Variants in PACSIN1 observed in about 807,000 individuals in gnomAD.
PACSIN1 encodes the protein protein kinase C and casein kinase substrate in neurons protein 1.
PACSIN1 carries 15 observed loss-of-function variants against 59.5 expected under a neutral mutation model. The observed-to-expected ratio is 0.25, with a 90% CI of 0.17 to 0.39. The LOEUF (loss-of-function observed/expected upper bound fraction) is 0.39. Ranked by LOEUF, PACSIN1 falls within the 10% of genes least tolerant of loss-of-function variation. PACSIN1 has a pLI of 1.00. For synonymous variants in PACSIN1, 210 were observed against 220.6 expected, an observed-to-expected ratio of 0.95 and a Z score of 0.42; for missense variants, 420 against 580.2, an observed-to-expected ratio of 0.72 and a Z score of 2.84.
Position 34,530,351 on chromosome 6 carries a change from G to C in PACSIN1, c.897G>C (p.Trp299Cys). Residue 299 changes from tryptophan to cysteine, a missense_variant, in exon 7 of 10, where the codon TGG becomes TGC. Physicochemically the swap from Trp to Cys is radical, Grantham distance 215. Coordinates refer to ENST00000244458, the MANE Select transcript of PACSIN1 (RefSeq NM_020804.5). This position sits in a 1 kb window ranked among gnomAD's most constrained non-coding sequence, Gnocchi z 4.4. ...STSGPGMPMN[W>C]PQFEEWNPDL... ...GTGGCCCCGGCATGCCCATGAACTG[G>C]CCCCAGTTTGAGGTGAGGATATGTG... The C allele has an allele frequency of 6.2e-7, 1 of 1,614,026 alleles. No homozygotes were observed. The highest frequency in any genetic ancestry group is 8.5e-7 in the Non-Finnish European group (1 of 1,179,918).
chr6:34,491,199 C>A (rs903123656), intron 1 of PACSIN1, among the ~76,000 whole-genome samples: 1 of 152,166 alleles, frequency 6.6e-6, no homozygotes, highest in African/African-American at 2.4e-5. Flanking sequence ...TAAAGAGGCC[C>A]TTGGCTTTCT....
chr6:34,528,897 A>AGGGG lies in PACSIN1; in HGVS notation c.456+20_456+21insGGGG. The AGGGG allele has an allele frequency of 2.1e-6, 1 of 465,344 alleles. No homozygotes were observed. Among genetic ancestry groups the AGGGG allele is most frequent in the Non-Finnish European group, 4.0e-6 (1 of 251,146 alleles). 28.8% of individuals were successfully genotyped at this position (465,344 alleles called of 1,614,324 possible). ...AAGGAGGTGCTCAGTGGGTGCTGCC[A>AGGGG]CGGGCGGGGTGGGGTGGGCCCGTCT... On this transcript the variant is annotated intron_variant, in intron 4 of 9. Coordinates refer to ENST00000244458, the MANE Select transcript of PACSIN1 (RefSeq NM_020804.5).
Position 34,488,749 on chromosome 6 carries a change from G to C in PACSIN1, c.-64+22479G>C, listed in dbSNP as rs181456643. 6.6e-5 allele frequency among the ~76,000 whole-genome samples: 10 copies of C among 152,216 alleles called. No individual in the cohort carries two copies. The highest frequency in any genetic ancestry group is 2.4e-4 in the African/African-American group (10 of 41,522). On this transcript the variant is annotated intron_variant, in intron 1 of 9. Transcript: ENST00000244458. The surrounding 1 kb of genome is among the most constrained non-coding windows in gnomAD (Gnocchi z 4.7). The stretch of plus-strand genomic sequence containing the variant: ...TGCATCTTTTTATTATTATTTATTT[G>C]ATTGATTGATTTGTTGCCCAGGCTG...
chr6:34,532,777 A>C lies in PACSIN1; in HGVS notation c.*247A>C. The C allele has an allele frequency of 2.2e-6, 1 of 456,252 alleles. No homozygotes were observed. 28.3% of individuals were successfully genotyped at this position (456,252 alleles called of 1,614,324 possible). A position where few individuals can be genotyped will look rare whatever the true frequency, so the allele number is the denominator to read the frequency against. ...TAACAGTCTTAGGACTTAGCCCAAC[A>C]TCACAACATCTGCTCTTCGGGTTCC... On this transcript the variant is annotated 3_prime_UTR_variant, in exon 10 of 10. Coordinates refer to ENST00000244458, the MANE Select transcript of PACSIN1 (RefSeq NM_020804.5). This position sits in a 1 kb window ranked among gnomAD's most constrained non-coding sequence, Gnocchi z 5.2.
intron 1 of PACSIN1, among the ~76,000 whole-genome samples, chr6:34,519,124 G>A (rs183597437): frequency 8.7e-4 from 133 of 152,240 alleles, no homozygotes; most frequent in African/African-American, 2.9e-3. Flanking sequence ...GGAGGGGCCA[G>A]CCACAGAGGC....
chr6:34,492,102 C>T (rs1260576593), intron 1 of PACSIN1, among the ~76,000 whole-genome samples: 1 of 151,852 alleles, frequency 6.6e-6, no homozygotes, highest in African/African-American at 2.4e-5. Flanking sequence ...CTAAACTGCT[C>T]TCCATAGTGG....
intron 1 of PACSIN1, among the ~76,000 whole-genome samples, chr6:34,487,444 G>A (rs532642496): frequency 6.6e-6 from 1 of 152,314 alleles, no homozygotes; most frequent in East Asian, 1.9e-4. Flanking sequence ...GGTGGGCTGA[G>A]TGGTTTTCCC....
At chr6:34,506,268 A>T (rs1767113378) in intron 1 of PACSIN1, among the ~76,000 whole-genome samples, 1 of 152,092 alleles carries the variant, frequency 6.6e-6, no homozygotes, top group Admixed American at 6.5e-5. Context: ...CCCAGGCTGG[A>T]GTGCAATGGC....
intron 1 of PACSIN1, among the ~76,000 whole-genome samples, chr6:34,481,177 C>T (rs1431942385): frequency 6.6e-6 from 1 of 151,892 alleles, no homozygotes; most frequent in Non-Finnish European, 1.5e-5. Context: ...CCCCCGAGAG[C>T]TGGGACTACA....
chr6:34,475,615 C>T (rs1766628661), intron 1 of PACSIN1, among the ~76,000 whole-genome samples: 1 of 152,190 alleles, frequency 6.6e-6, no homozygotes, highest in Non-Finnish European at 1.5e-5. Context: ...CCTAGCCTCC[C>T]CCTGCATCTC....
intron 1 of PACSIN1, among the ~76,000 whole-genome samples, chr6:34,524,345 C>A (rs971589803): frequency 1.3e-5 from 2 of 152,166 alleles, no homozygotes; most frequent in Admixed American, 1.3e-4. Context: ...ACACGAGGCA[C>A]ATTAAAAAAT....
chr6:34,531,491 C>T lies in PACSIN1; in HGVS notation c.1038-109C>T. 1 of 1,154,412 alleles carries T rather than the reference C, an allele frequency of 8.7e-7. No homozygotes were observed. Among genetic ancestry groups the T allele is most frequent in the Non-Finnish European group, 1.3e-6 (1 of 792,292 alleles). The allele number at this position is 1,154,412 out of a possible 1,614,324, so 71.5% of individuals were successfully genotyped here. A position where few individuals can be genotyped will look rare whatever the true frequency, so the allele number is the denominator to read the frequency against. On this transcript the variant is annotated intron_variant, in intron 8 of 9. Coordinates refer to ENST00000244458, the MANE Select transcript of PACSIN1 (RefSeq NM_020804.5). The surrounding 1 kb of genome is among the most constrained non-coding windows in gnomAD (Gnocchi z 4.4). ...ACCCCTCCTATGTGGCCAATCCTTG[C>T]TCTAGCCTTGGTAGAATTCGGGATC... is the stretch of plus-strand genomic sequence containing the variant.
At chr6:34,492,435 G>A (rs904316989) in intron 1 of PACSIN1, among the ~76,000 whole-genome samples, 1 of 151,926 alleles carries the variant, frequency 6.6e-6, no homozygotes, top group East Asian at 1.9e-4. Flanking sequence ...CCAGGCTGGA[G>A]TGCAATGGCA....
intron 1 of PACSIN1, among the ~76,000 whole-genome samples, chr6:34,478,574 T>C (rs1766673308): frequency 6.6e-6 from 1 of 151,304 alleles, no homozygotes; most frequent in Non-Finnish European, 1.5e-5. Context: ...GGTTTCACTA[T>C]GTTGGTCAGG....
At chr6:34,524,428 C>T (rs1002924564) in intron 1 of PACSIN1, among the ~76,000 whole-genome samples, 16 of 152,230 alleles carry the variant, frequency 1.1e-4, no homozygotes, top group Non-Finnish European at 2.2e-4. Flanking sequence ...CCTGCGTCCC[C>T]TGGCCACCCC....
At chr6:34,480,521 T>C (rs370357038) in intron 1 of PACSIN1, among the ~76,000 whole-genome samples, 33 of 152,310 alleles carry the variant, frequency 2.2e-4, no homozygotes, top group African/African-American at 7.5e-4. Context: ...CCACTGTACC[T>C]GACTCATTTT....
At chr6:34,517,470 A>G (rs528013486) in intron 1 of PACSIN1, among the ~76,000 whole-genome samples, 1 of 152,082 alleles carries the variant, frequency 6.6e-6, no homozygotes, top group Non-Finnish European at 1.5e-5. Flanking sequence ...CCTCTGACCT[A>G]CAAGGCCCTC....
chr6:34,527,557 A>G, intron 3 of PACSIN1, 69 bp downstream of exon 3: 1 of 1,391,782 alleles, frequency 7.2e-7, no homozygotes, highest in Non-Finnish European at 9.6e-7. Context: ...GGGTCCTAGG[A>G]GCCCCGGCTA....
intron 1 of PACSIN1, among the ~76,000 whole-genome samples, chr6:34,468,009 TC>T (rs1017177515): frequency 6.6e-6 from 1 of 152,212 alleles, no homozygotes; most frequent in African/African-American, 2.4e-5. Flanking sequence ...GGTCTGGCTC[TC>T]CTCAGGCCGC....
Sources: allele counts gnomAD v4.1 joint callset (sites outside exome capture counted in the v4.1 genomes callset), GRCh38; gene constraint gnomAD v4.1.1; non-coding constraint Gnocchi (gnomAD v3.1); transcripts MANE v1.5; gene names NCBI Gene and HGNC (gene_info 2026-07-23, HGNC 2026-07-21).